Variants in HEMK2 observed in about 807,000 individuals in gnomAD.
The protein encoded by HEMK2 is HemK methyltransferase 2, ETF1 glutamine and histone H4 lysine, also known as methyltransferase HEMK2.
the HEMK2 span, among the ~76,000 whole-genome samples, chr21:28,705,599 T>G: frequency 2.6e-5 from 4 of 152,162 alleles, no homozygotes; most frequent in African/African-American, 9.7e-5. Context: ...CTTCAAAGAC[T>G]CTGCTGTATT....
chr21:28,613,966 CTA>C, the HEMK2 span, among the ~76,000 whole-genome samples: 1 of 152,004 alleles, frequency 6.6e-6, no homozygotes, highest in Admixed American at 6.6e-5. Context: ...AAGTGCAGTG[CTA>C]TGTTTTCTTC....
the HEMK2 span, among the ~76,000 whole-genome samples, chr21:28,680,543 T>C: frequency 6.6e-6 from 1 of 152,150 alleles, no homozygotes; most frequent in Admixed American, 6.5e-5. Context: ...CCTCCCTAAC[T>C]CATTTTATGA....
the HEMK2 span, among the ~76,000 whole-genome samples, chr21:28,700,739 A>G: frequency 2.6e-5 from 4 of 152,134 alleles, no homozygotes; most frequent in Admixed American, 6.6e-5. Context: ...TACCATTCCT[A>G]TTGAAGCTAT....
At chr21:28,739,841 G>A in the HEMK2 span, among the ~76,000 whole-genome samples, 2 of 152,178 alleles carry the variant, frequency 1.3e-5, no homozygotes, top group Non-Finnish European at 2.9e-5. Flanking sequence ...AGGAAAGAAG[G>A]TTAAATACAC....
chr21:28,655,792 C>T, the HEMK2 span, among the ~76,000 whole-genome samples: 4 of 152,230 alleles, frequency 2.6e-5, 1 homozygote, highest in African/African-American at 9.6e-5. Flanking sequence ...ATACTGGATA[C>T]TCAATGACTG....
the HEMK2 span, among the ~76,000 whole-genome samples, chr21:28,652,162 A>C: frequency 6.6e-6 from 1 of 152,264 alleles, no homozygotes; most frequent in South Asian, 2.1e-4. Flanking sequence ...AACATAAGAA[A>C]AGTTAGGTAA....
At chr21:28,599,123 T>C in the HEMK2 span, among the ~76,000 whole-genome samples, 2 of 152,226 alleles carry the variant, frequency 1.3e-5, no homozygotes, top group Non-Finnish European at 2.9e-5. Flanking sequence ...ATTCAGAAGC[T>C]ATGATGCTAA....
the HEMK2 span, among the ~76,000 whole-genome samples, chr21:28,711,206 T>A: frequency 6.6e-6 from 1 of 152,208 alleles, no homozygotes; most frequent in African/African-American, 2.4e-5. Context: ...CCAAATACTA[T>A]GTCCTCTTAA....
At chr21:28,816,268 TA>T in the HEMK2 span, among the ~76,000 whole-genome samples, 66,734 of 152,074 alleles carry the variant, frequency 0.44, 15,982 homozygotes, top group East Asian at 0.71. Flanking sequence ...ATGAGAATAT[TA>T]ACTACCAGGA....
the HEMK2 span, among the ~76,000 whole-genome samples, chr21:28,728,219 T>C: frequency 1.3e-5 from 2 of 152,230 alleles, no homozygotes; most frequent in Non-Finnish European, 2.9e-5. Flanking sequence ...ACACATCCCA[T>C]AATCATCCTA....
At chr21:28,640,741 C>A in the HEMK2 span, among the ~76,000 whole-genome samples, 1 of 152,190 alleles carries the variant, frequency 6.6e-6, no homozygotes, top group African/African-American at 2.4e-5. Context: ...TCCAATGTTT[C>A]TTTCTCATCT....
At chr21:28,676,040 T>C in the HEMK2 span, among the ~76,000 whole-genome samples, 2 of 152,208 alleles carry the variant, frequency 1.3e-5, no homozygotes, top group Admixed American at 6.5e-5. Flanking sequence ...GTCTGGGCCT[T>C]CGGAGTCAGA....
the HEMK2 span, among the ~76,000 whole-genome samples, chr21:28,715,591 G>A: frequency 1.3e-5 from 2 of 152,134 alleles, no homozygotes; most frequent in Admixed American, 6.6e-5. Flanking sequence ...TCTGTAGGTT[G>A]TCTGTTTATT....
chr21:28,701,443 GT>G, the HEMK2 span, among the ~76,000 whole-genome samples: 2 of 151,876 alleles, frequency 1.3e-5, no homozygotes, highest in African/African-American at 4.8e-5. Context: ...CTTCAGCAAA[GT>G]TTCAGTATAC....
chr21:28,860,825 C>G, the HEMK2 span, among the ~76,000 whole-genome samples: 15 of 152,142 alleles, frequency 9.9e-5, no homozygotes, highest in Middle Eastern at 3.4e-3. Flanking sequence ...TTTGGGCCCA[C>G]CAAGTAGGGA....
the HEMK2 span, among the ~76,000 whole-genome samples, chr21:28,818,116 C>G: frequency 1.3e-5 from 2 of 152,110 alleles, no homozygotes; most frequent in African/African-American, 4.8e-5. Context: ...GAGATCCACC[C>G]TCAATCTGGG....
chr21:28,879,101 TAGA>T, the HEMK2 span, among the ~76,000 whole-genome samples: 5 of 38,494 alleles, frequency 1.3e-4, no homozygotes, highest in South Asian at 1.0e-3. Context: ...TTTTTTTTTT[TAGA>T]GACAGGGTCT....
At chr21:28,875,605 C>T in the HEMK2 span, 150 of 152,884 alleles carry the variant, frequency 9.8e-4, 3 homozygotes, top group Middle Eastern at 6.7e-3. Flanking sequence ...TCAAAACTAG[C>T]AGCTTTTTGA....
the HEMK2 span, among the ~76,000 whole-genome samples, chr21:28,750,035 G>T: frequency 6.6e-6 from 1 of 152,220 alleles, no homozygotes; most frequent in African/African-American, 2.4e-5. Flanking sequence ...ACAAGAAGCA[G>T]ACAAGTCACT....
Sources: gnomAD v4.1 joint callset for allele counts (sites outside exome capture counted in the v4.1 genomes callset) on GRCh38, gnomAD v4.1.1 for gene constraint, MANE v1.5 for transcripts, NCBI Gene and HGNC (gene_info 2026-07-23, HGNC 2026-07-21) for gene names.